Variants in POLK observed in about 807,000 individuals in gnomAD.
POLK encodes the protein polymerase (DNA directed) kappa.
Under a neutral mutation model 94.0 loss-of-function variants are expected in POLK, and 76 were observed. The ratio of observed to expected loss-of-function variants is 0.81; its 90% CI spans 0.67 to 0.98. The LOEUF (loss-of-function observed/expected upper bound fraction) is 0.98, where lower values mean the gene tolerates loss of function less well. POLK is among the 50% of genes least tolerant of loss of function. The pLI is 0.00. For synonymous variants in POLK, 349 were observed against 325.4 expected, an observed-to-expected ratio of 1.07 and a Z score of -0.78; for missense variants, 954 against 1,010.1, an observed-to-expected ratio of 0.94 and a Z score of 0.75.
chr5:75,560,384 G>T (rs1458689881), intron 3 of POLK, among the ~76,000 whole-genome samples: 3 of 152,150 alleles, frequency 2.0e-5, no homozygotes, highest in Non-Finnish European at 4.4e-5. Flanking sequence ...ACCTATTGAG[G>T]TTGGTTTAGT....
In POLK at chr5:75,547,160, A is replaced by G. The variant is rs371048155; in HGVS notation, c.135+3A>G. On this transcript the variant is annotated splice_donor_region_variant and intron_variant, in intron 2 of 14. Coordinates refer to ENST00000241436, the Ensembl canonical transcript of POLK. ...AAATTATAATGGAAGCCACGAAGGT[A>G]TGTTTCTTGTTTCTTTTGATGTGTG... The G allele has an allele frequency of 6.6e-6, 10 of 1,516,934 alleles. No individual in the cohort carries two copies. The highest frequency in any genetic ancestry group is 2.4e-5 in the East Asian group (1 of 41,588). The allele number at this position is 1,516,934 out of a possible 1,614,324, so 94.0% of individuals were successfully genotyped here.
intron 3 of POLK, among the ~76,000 whole-genome samples, chr5:75,555,645 G>A (rs1393222974): frequency 1.3e-5 from 2 of 151,832 alleles, no homozygotes; most frequent in African/African-American, 2.4e-5. Flanking sequence ...CCACCTCCCG[G>A]GTTCAAGCTA....
chr5:75,518,842 T>G (rs980728425), intron 1 of POLK, among the ~76,000 whole-genome samples: 3 of 152,224 alleles, frequency 2.0e-5, no homozygotes, highest in African/African-American at 2.4e-5. Flanking sequence ...TCAGAATATT[T>G]TTAAATTCCC....
chr5:75,564,357 C>T (rs952918932), intron 3 of POLK, among the ~76,000 whole-genome samples: 1 of 152,040 alleles, frequency 6.6e-6, no homozygotes, highest in Non-Finnish European at 1.5e-5. Context: ...ATAGAGCACA[C>T]TGATGGGTCT....
At chr5:75,548,170 C>A (rs1770148948) in intron 2 of POLK, among the ~76,000 whole-genome samples, 1 of 152,278 alleles carries the variant, frequency 6.6e-6, no homozygotes, top group South Asian at 2.1e-4. Context: ...AATCCCTCTA[C>A]CTTAGCCTCC....
chr5:75,584,678 A>T, intron 8 of POLK, 82 bp from the exon 9 acceptor site: 1 of 857,644 alleles, frequency 1.2e-6, no homozygotes, highest in East Asian at 2.8e-5. Context: ...TCTCAAAAAA[A>T]AAAAAAGTGT....
Position 75,585,867 on chromosome 5 carries a change from A to C in POLK, c.1226+941A>C, listed in dbSNP as rs140743228. ...TAGAAATCAATGAGGATGCATATAA[A>C]ATTGATGGACTAATTAAGCCTACTA... On this transcript the variant is annotated intron_variant, in intron 9 of 14. Coordinates refer to ENST00000241436, the Ensembl canonical transcript of POLK. Among the ~76,000 whole-genome samples the C allele has an allele frequency of 1.1e-3, 162 of 152,272 alleles. 2 individuals carry two copies. Among genetic ancestry groups the C allele is most frequent in the African/African-American group, 3.7e-3 (155 of 41,540 alleles).
At chr5:75,511,365 C>T (rs1381166065), upstream of POLK, 3 of 1,545,732 alleles carry the variant, frequency 1.9e-6, no homozygotes, top group African/African-American at 2.7e-5. Context: ...CCGCCCGCCG[C>T]GCCGCCGCCG....
chr5:75,587,812 TG>T (rs1413717805), intron 10 of POLK, among the ~76,000 whole-genome samples: 1 of 152,052 alleles, frequency 6.6e-6, no homozygotes, highest in East Asian at 1.9e-4. Context: ...CCCAGCTACT[TG>T]GGTGGCTGAG....
intron 4 of POLK, among the ~76,000 whole-genome samples, chr5:75,572,510 A>G (rs1771646050): frequency 6.6e-6 from 1 of 152,176 alleles, no homozygotes; most frequent in South Asian, 2.1e-4. Context: ...CTATACTATT[A>G]TTTTATGACT....
At chr5:75,520,082 T>G (rs1378914019) in intron 1 of POLK, among the ~76,000 whole-genome samples, 1 of 152,184 alleles carries the variant, frequency 6.6e-6, no homozygotes, top group Non-Finnish European at 1.5e-5. Context: ...TTAAAAAGTT[T>G]TAGAGCTATG....
At chr5:75,540,137 A>G (rs925669941) in intron 1 of POLK, among the ~76,000 whole-genome samples, 1 of 152,198 alleles carries the variant, frequency 6.6e-6, no homozygotes, top group East Asian at 1.9e-4. Context: ...AGGACAGGAA[A>G]ATAATAATAG....
chr5:75,597,915 G>A lies in POLK; in HGVS notation c.2529-19G>A, dbSNP rs1773178714. On this transcript the variant is annotated intron_variant, in intron 14 of 14. Coordinates refer to ENST00000241436, the Ensembl canonical transcript of POLK. Reference sequence around the variant, plus strand: ...GAATCTCTTCCTGCATTTTAATTGTGTGTTCCTTTTCATTCTAGGCCAGGA... The same window carrying A: ...GAATCTCTTCCTGCATTTTAATTGTATGTTCCTTTTCATTCTAGGCCAGGA... 7.5e-7 allele frequency: 1 copy of A among 1,325,910 alleles called. No individual in the cohort carries two copies. Among genetic ancestry groups the A allele is most frequent in the Middle Eastern group, 1.9e-4 (1 of 5,268 alleles). The allele number at this position is 1,325,910 out of a possible 1,614,324, so 82.1% of individuals were successfully genotyped here.
chr5:75,511,263 G>C (rs1489820804), upstream of POLK: 1 of 1,596,566 alleles, frequency 6.3e-7, no homozygotes, highest in South Asian at 1.1e-5. Context: ...TGCGCCGGAG[G>C]AGGCGCCCAG....
At chr5:75,568,894 T>C (rs1315850622) in intron 3 of POLK, 1 of 219,704 alleles carries the variant, frequency 4.6e-6, no homozygotes, top group Non-Finnish European at 9.3e-6. Flanking sequence ...CTTTTAGTTA[T>C]AGTGAGTTGG....
intron 11 of POLK, among the ~76,000 whole-genome samples, chr5:75,591,084 A>G (rs1030325782): frequency 9.2e-5 from 14 of 152,218 alleles, no homozygotes; most frequent in Admixed American, 9.2e-4. Context: ...AATAAGACCT[A>G]GTGTTCAATA....
chr5:75,600,773 C>G (rs961420953), exon 15 of POLK: 2 of 152,084 alleles, frequency 1.3e-5, no homozygotes, highest in African/African-American at 4.8e-5. Flanking sequence ...ACAGACATAG[C>G]ATAGAGCAAA....
At chr5:75,532,385 T>C (rs1359605859) in intron 1 of POLK, among the ~76,000 whole-genome samples, 2 of 152,220 alleles carry the variant, frequency 1.3e-5, no homozygotes, top group African/African-American at 4.8e-5. Context: ...TCCAGCTCCA[T>C]CCATTTTGCC....
chr5:75,516,189 T>C (rs2112519303), intron 1 of POLK, among the ~76,000 whole-genome samples: 1 of 152,370 alleles, frequency 6.6e-6, no homozygotes, highest in African/African-American at 2.4e-5. Flanking sequence ...CTTCACTTTG[T>C]TGATTGTTCA....
Sources: gnomAD v4.1 joint callset for allele counts (sites outside exome capture counted in the v4.1 genomes callset) on GRCh38, gnomAD v4.1.1 for gene constraint, MANE v1.5 for transcripts, NCBI Gene and HGNC (gene_info 2026-07-23, HGNC 2026-07-21) for gene names.